Variants in MAPRE3 observed in about 807,000 individuals in gnomAD.
The protein encoded by MAPRE3 is microtubule associated protein RP/EB family member 3.
Under a neutral mutation model 30.5 loss-of-function variants are expected in MAPRE3, and 2 were observed. That is an observed-to-expected ratio of 0.07 (90% CI 0.03 to 0.21). MAPRE3 has a LOEUF of 0.21. MAPRE3 is among the 10% of genes least tolerant of loss of function. The pLI, the probability that MAPRE3 is intolerant of heterozygous loss-of-function variation, is 1.00. For synonymous variants in MAPRE3, 110 were observed against 127.7 expected (o/e 0.86, Z 0.93); for missense variants, 204 against 351.8 (o/e 0.58, Z 3.36).
At chr2:27,004,294 AC>A (rs1558380246) in intron 1 of MAPRE3, among the ~76,000 whole-genome samples, 2 of 152,196 alleles carry the variant, frequency 1.3e-5, no homozygotes, top group African/African-American at 4.8e-5. Context: ...GAAATACACC[AC>A]AGGGCTACTA....
At position 26,985,508 on chromosome 2, in the gene MAPRE3, A is replaced by G. The variant is rs1389546964; in HGVS notation, c.-8+14706A>G. The stretch of plus-strand genomic sequence containing the variant: ...CAGACCAGTGCTGTACCATACTGCC[A>G]TGGCCACAGGGCAACCACCATAACT... On this transcript the variant is annotated intron_variant, in intron 1 of 6. Coordinates refer to ENST00000233121, the MANE Select transcript of MAPRE3 (RefSeq NM_012326.4). The surrounding 1 kb of genome is among the most constrained non-coding windows in gnomAD (Gnocchi z 4.2). Among the ~76,000 whole-genome samples, 1 of 152,168 alleles carries G rather than the reference A, an allele frequency of 6.6e-6. No homozygotes were observed. Among genetic ancestry groups the G allele is most frequent in the African/African-American group, 2.4e-5 (1 of 41,434 alleles).
At chr2:26,973,406 A>G (rs371591996) in intron 1 of MAPRE3, among the ~76,000 whole-genome samples, 3 of 152,322 alleles carry the variant, frequency 2.0e-5, no homozygotes, top group East Asian at 1.9e-4. Context: ...AACGGAGGAA[A>G]GTTCCCATAT....
chr2:26,992,494 G>A (rs1163786007), intron 1 of MAPRE3, among the ~76,000 whole-genome samples: 1 of 151,958 alleles, frequency 6.6e-6, no homozygotes. Context: ...CAAAGTGCTG[G>A]GATTACAGGC....
At chr2:27,022,112 A>C in intron 1 of MAPRE3, 100 bp from the exon 2 acceptor site, 1 of 1,376,654 alleles carries the variant, frequency 7.3e-7, no homozygotes, top group Non-Finnish European at 9.9e-7. Flanking sequence ...TCTGGAGGGA[A>C]TGTTTCTTAC....
rs1336033572 is a variant in MAPRE3 at position 27,015,978 on chromosome 2, G to A, written c.-7-6234G>A. ...CTGTAATTGCCTTTCCCAGTTGCCT[G>A]TGAATGCACCATGAACCTTACAGTC... On this transcript the variant is annotated intron_variant, in intron 1 of 6. Transcript: ENST00000233121. This position sits in a 1 kb window ranked among gnomAD's most constrained non-coding sequence, Gnocchi z 4.0. Among the ~76,000 whole-genome samples the A allele has an allele frequency of 6.6e-6, 1 of 152,176 alleles. No homozygotes were observed. The highest frequency in any genetic ancestry group is 1.5e-5 in the Non-Finnish European group (1 of 68,024).
chr2:27,000,601 T>C (rs533273952), intron 1 of MAPRE3, among the ~76,000 whole-genome samples: 1 of 152,390 alleles, frequency 6.6e-6, no homozygotes, highest in African/African-American at 2.4e-5. Flanking sequence ...TTTCATTTGA[T>C]TCTGCCAAGA....
At chr2:26,991,367 G>A (rs1018593948) in intron 1 of MAPRE3, among the ~76,000 whole-genome samples, 6 of 152,178 alleles carry the variant, frequency 3.9e-5, no homozygotes, top group Non-Finnish European at 7.3e-5. Flanking sequence ...TGGTCCTAGT[G>A]GAAAGACAAT....
intron 1 of MAPRE3, among the ~76,000 whole-genome samples, chr2:27,020,070 C>G (rs1667079462): frequency 6.6e-6 from 1 of 152,136 alleles, no homozygotes; most frequent in Non-Finnish European, 1.5e-5. Context: ...AGTCCCACTG[C>G]GCAGGTCTGG....
At chr2:26,995,653 T>C (rs1407229887) in intron 1 of MAPRE3, 3 of 151,672 alleles carry the variant, frequency 2.0e-5, no homozygotes, top group Non-Finnish European at 4.4e-5. Flanking sequence ...AAAGAAAAAA[T>C]AAATGGAGGA....
At chr2:27,008,685 G>A (rs1373513316) in intron 1 of MAPRE3, among the ~76,000 whole-genome samples, 2 of 152,126 alleles carry the variant, frequency 1.3e-5, no homozygotes, top group Non-Finnish European at 1.5e-5. Flanking sequence ...GGACAGAAAG[G>A]TTTGGAGAGG....
chr2:27,008,842 T>C (rs980727148), intron 1 of MAPRE3, among the ~76,000 whole-genome samples: 6 of 152,148 alleles, frequency 3.9e-5, no homozygotes, highest in Non-Finnish European at 7.3e-5. Context: ...CATCCATACG[T>C]GTGCCATTGT....
At position 27,017,455 on chromosome 2, in the gene MAPRE3, G is replaced by A. The variant is rs544949155; in HGVS notation, c.-7-4757G>A. On this transcript the variant is annotated intron_variant, in intron 1 of 6. Transcript: ENST00000233121. ...ACTCATGGGACCCTAGAGTCAGACCGAAGGTATGGAAAATGCCCTCCCTTC... is the reference window on the plus strand; with the variant it reads ...ACTCATGGGACCCTAGAGTCAGACCAAAGGTATGGAAAATGCCCTCCCTTC... Among the ~76,000 whole-genome samples the A allele has an allele frequency of 7.2e-5, 11 of 152,274 alleles. No individual in the cohort carries two copies. In the East Asian group the frequency reaches 9.6e-4, roughly 13 times the overall value.
intron 1 of MAPRE3, among the ~76,000 whole-genome samples, chr2:26,995,840 T>C (rs1666447302): frequency 2.0e-5 from 3 of 151,312 alleles, no homozygotes; most frequent in Non-Finnish European, 4.4e-5. Context: ...TATGTGTGTG[T>C]GTTTTGGAAA....
intron 1 of MAPRE3, among the ~76,000 whole-genome samples, chr2:26,997,643 C>A (rs1461977390): frequency 6.6e-6 from 1 of 152,114 alleles, no homozygotes; most frequent in Admixed American, 6.5e-5. Flanking sequence ...TCCACGGACC[C>A]GTACTAGTCC....
intron 1 of MAPRE3, among the ~76,000 whole-genome samples, chr2:27,013,630 A>C (rs1666912383): frequency 6.6e-6 from 1 of 152,230 alleles, no homozygotes; most frequent in Admixed American, 6.5e-5. Flanking sequence ...GCCCTGAGCC[A>C]GTACTAATTG....
intron 1 of MAPRE3, among the ~76,000 whole-genome samples, chr2:26,990,883 G>A (rs919883187): frequency 1.3e-5 from 2 of 152,150 alleles, no homozygotes; most frequent in African/African-American, 4.8e-5. Flanking sequence ...GAATGGCAAG[G>A]CCTTCAGGCT....
intron 1 of MAPRE3, among the ~76,000 whole-genome samples, chr2:27,006,530 A>G (rs1309282991): frequency 6.6e-6 from 1 of 152,200 alleles, no homozygotes; most frequent in East Asian, 1.9e-4. Context: ...TCCTGGGCTC[A>G]AGCAATTCTT....
At chr2:27,012,145 G>T (rs1206242716) in intron 1 of MAPRE3, 1 of 151,442 alleles carries the variant, frequency 6.6e-6, no homozygotes, top group Non-Finnish European at 1.5e-5. Context: ...GGTGGAGGTT[G>T]CAGTGAGCCG....
chr2:26,998,598 T>C (rs1362836772), intron 1 of MAPRE3, among the ~76,000 whole-genome samples: 2 of 152,320 alleles, frequency 1.3e-5, no homozygotes, highest in Admixed American at 6.5e-5. Context: ...CTGGACACCA[T>C]GCCATACAAT....
Sources: gnomAD v4.1 joint callset for allele counts (sites outside exome capture counted in the v4.1 genomes callset) on GRCh38, gnomAD v4.1.1 for gene constraint, Gnocchi (gnomAD v3.1) non-coding constraint, MANE v1.5 for transcripts, NCBI Gene and HGNC (gene_info 2026-07-23, HGNC 2026-07-21) for gene names.